The following ARHGEF12 variants were observed in gnomAD, a reference collection of about 807,000 sequenced individuals.
ARHGEF12 encodes the protein Rho guanine nucleotide exchange factor 12, also known as KMT2A/ARHGEF12 fusion protein.
ARHGEF12 carries 66 observed loss-of-function variants against 211.2 expected under a neutral mutation model. The ratio of observed to expected loss-of-function variants is 0.31; its 90% CI spans 0.26 to 0.38. The LOEUF (loss-of-function observed/expected upper bound fraction) is 0.38. Among genes scored for constraint, ARHGEF12 ranks in the 10% least tolerant of loss-of-function variants. The pLI, the probability that ARHGEF12 is intolerant of heterozygous loss-of-function variation, is 1.00. For synonymous variants in ARHGEF12, 592 were observed against 638.4 expected (o/e 0.93, Z 1.09); for missense variants, 1,429 against 1,869.5 (o/e 0.76, Z 4.34).
At chr11:120,446,362 G>GAACATACCTTTAGAT in intron 16 of ARHGEF12, 41 bp from the exon 17 acceptor site, 1 of 1,510,648 alleles carries the variant, frequency 6.6e-7, no homozygotes, top group Non-Finnish European at 9.1e-7. Context: ...ATGTTGCCCA[G>GAACATACCTTTAGAT]AACATACCTT....
intron 1 of ARHGEF12, among the ~76,000 whole-genome samples, chr11:120,373,113 G>T (rs980630965): frequency 3.3e-5 from 5 of 152,026 alleles, no homozygotes; most frequent in African/African-American, 1.2e-4. Context: ...AATTAGAATA[G>T]CTTAATGAAC....
At chr11:120,409,519 T>G in intron 4 of ARHGEF12, 69 bp downstream of exon 4, 2 of 1,485,762 alleles carry the variant, frequency 1.3e-6, no homozygotes, top group South Asian at 2.3e-5. Context: ...TTCTGTTCTT[T>G]TTTTCCTTTC....
At chr11:120,474,133 A>G (rs561321569) in intron 31 of ARHGEF12, among the ~76,000 whole-genome samples, 5 of 152,320 alleles carry the variant, frequency 3.3e-5, no homozygotes, top group Admixed American at 6.5e-5. Flanking sequence ...CATGAGTACT[A>G]TTTCTTAGAA....
At chr11:120,352,557 G>T (rs1253225389) in intron 1 of ARHGEF12, among the ~76,000 whole-genome samples, 1 of 152,124 alleles carries the variant, frequency 6.6e-6, no homozygotes, top group African/African-American at 2.4e-5. Flanking sequence ...AAGATAAAAA[G>T]GTTTTATCTT....
At position 120,481,324 on chromosome 11, in the gene ARHGEF12, T is replaced by G; in HGVS notation, c.4302T>G (p.Ala1434=). The change falls in exon 39 of 41, where the codon GCT becomes GCG. Residue 1434 remains alanine (A), a synonymous_variant. Transcript: ENST00000397843. ...VQESSTDEEV[A]SSLTLQPMTG... is the part of the protein sequence containing the mutation. Reference sequence around the variant, plus strand: ...AGAGTTCCACAGATGAGGAGGTTGCTTCCTCACTTACCCTGCAGCCCATGA... The same window carrying G: ...AGAGTTCCACAGATGAGGAGGTTGCGTCCTCACTTACCCTGCAGCCCATGA... 1 of 1,614,182 alleles carries G rather than the reference T, an allele frequency of 6.2e-7. No homozygotes were observed. The highest frequency in any genetic ancestry group is 8.5e-7 in the Non-Finnish European group (1 of 1,180,030).
At chr11:120,482,875 G>T (rs1203678694) in intron 39 of ARHGEF12, among the ~76,000 whole-genome samples, 1 of 152,076 alleles carries the variant, frequency 6.6e-6, no homozygotes, top group African/African-American at 2.4e-5. Context: ...TTAAAGACTG[G>T]TCTCCCTTAG....
At chr11:120,341,790 C>T (rs1942544729) in intron 1 of ARHGEF12, among the ~76,000 whole-genome samples, 1 of 152,110 alleles carries the variant, frequency 6.6e-6, no homozygotes. Context: ...GATGATGTTC[C>T]TGAGCTTTAT....
chr11:120,343,713 C>T (rs1234420004), intron 1 of ARHGEF12, among the ~76,000 whole-genome samples: 11 of 152,156 alleles, frequency 7.2e-5, no homozygotes, highest in Admixed American at 3.9e-4. Flanking sequence ...CTGTCTTGGA[C>T]TGCAAGTAAC....
In ARHGEF12 at chr11:120,478,291, G is replaced by A. The variant is rs750114841; in HGVS notation, c.3668G>A (p.Gly1223Glu). Residue 1223 changes from glycine to glutamate, a missense_variant, in exon 37 of 41, where the codon GGG becomes GAG. Around this residue, in one of 7 missense-constraint regions of ARHGEF12, gnomAD observed 467 missense variants for 468.4 expected, o/e 1.00. Transcript: ENST00000397843. ...TTTGCAAAGGAACAACATACAGATGGGACACTAAAGGAAGTTGGAGAAGAT... is the reference window on the plus strand; with the variant it reads ...TTTGCAAAGGAACAACATACAGATGAGACACTAAAGGAAGTTGGAGAAGAT... The part of the protein sequence containing the change: ...RQFAKEQHTD[G>E]TLKEVGEDYQ... 2.5e-6 allele frequency: 4 copies of A among 1,614,132 alleles called. No homozygotes were observed. The East Asian group carries it at 8.9e-5, about 36-fold the overall frequency.
chr11:120,481,537 G>A lies in ARHGEF12; in HGVS notation c.4515G>A (p.Glu1505=), dbSNP rs748414613. 1.2e-6 allele frequency: 2 copies of A among 1,614,160 alleles called. No individual in the cohort carries two copies. The highest frequency in any genetic ancestry group is 1.7e-6 in the Non-Finnish European group (2 of 1,180,030). Residue 1505 remains glutamate, a synonymous_variant, in exon 39 of 41, where the codon GAG becomes GAA. Transcript: ENST00000397843. ...SCADSQSQIM[E]YIHKIEADLE... ...CAGATTCACAGAGCCAGATCATGGA[G>A]TACATTCATAAGATAGAGGCTGACC...
intron 1 of ARHGEF12, among the ~76,000 whole-genome samples, chr11:120,398,145 G>A (rs933017861): frequency 2.6e-5 from 4 of 152,146 alleles, no homozygotes; most frequent in African/African-American, 7.2e-5. Context: ...GAATTATCTT[G>A]AAAATGTTAT....
intron 1 of ARHGEF12, among the ~76,000 whole-genome samples, chr11:120,395,975 C>T (rs1034639504): frequency 1.3e-5 from 2 of 152,096 alleles, no homozygotes; most frequent in Non-Finnish European, 2.9e-5. Context: ...GCGCACCCAG[C>T]TCCTGGATCT....
intron 1 of ARHGEF12, among the ~76,000 whole-genome samples, chr11:120,400,415 G>T (rs745581986): frequency 6.6e-6 from 1 of 152,062 alleles, no homozygotes; most frequent in Non-Finnish European, 1.5e-5. Flanking sequence ...GGTTTGCATG[G>T]TGTTCACTGA....
intron 1 of ARHGEF12, among the ~76,000 whole-genome samples, chr11:120,352,960 C>G (rs1460419082): frequency 2.6e-5 from 4 of 152,212 alleles, no homozygotes; most frequent in African/African-American, 7.2e-5. Context: ...TCCCACTCAC[C>G]TGGAATCCCT....
At chr11:120,369,885 A>G (rs1943541667) in intron 1 of ARHGEF12, among the ~76,000 whole-genome samples, 1 of 152,146 alleles carries the variant, frequency 6.6e-6, no homozygotes, top group Non-Finnish European at 1.5e-5. Context: ...TTAGAGATGA[A>G]GTCGAGGCTC....
chr11:120,405,444 C>A (rs1320275109), intron 1 of ARHGEF12, among the ~76,000 whole-genome samples: 1 of 151,926 alleles, frequency 6.6e-6, no homozygotes, highest in South Asian at 2.1e-4. Context: ...CTTATAGGAC[C>A]CCCCCAGAAA....
intron 1 of ARHGEF12, among the ~76,000 whole-genome samples, chr11:120,369,445 A>G (rs1943528508): frequency 6.6e-6 from 1 of 152,168 alleles, no homozygotes; most frequent in African/African-American, 2.4e-5. Flanking sequence ...TTTGTTTTTA[A>G]TTGAAAACTT....
At chr11:120,347,168 C>CT (rs1565417081) in intron 1 of ARHGEF12, among the ~76,000 whole-genome samples, 20 of 71,100 alleles carry the variant, frequency 2.8e-4, no homozygotes, top group East Asian at 1.6e-3. Context: ...TCCTTCCTTC[C>CT]TTCCTTCCTT....
rs768824701 is a variant in ARHGEF12, at chr11:120,458,059, T to C, written c.2226-21T>C. ...GTCCACCTAAAGTCTTCAAATTGAA[T>C]TCACTCTTTTTTCTTCATAGGTTTG... On this transcript the variant is annotated intron_variant, in intron 24 of 40. Transcript: ENST00000397843. The C allele has an allele frequency of 1.9e-6, 3 of 1,595,174 alleles. No individual in the cohort carries two copies. In the South Asian group the frequency reaches 3.5e-5, roughly 18 times the overall value.
Sources: allele counts gnomAD v4.1 joint callset (sites outside exome capture counted in the v4.1 genomes callset), GRCh38; gene constraint gnomAD v4.1.1; regional missense constraint gnomAD v4.1.1; transcripts MANE v1.5; gene names NCBI Gene and HGNC (gene_info 2026-07-23, HGNC 2026-07-21).